FGF12: variants seen among roughly 807,000 people sequenced by gnomAD.
The protein encoded by FGF12 is fibroblast growth factor 12B.
Under a neutral mutation model 23.6 loss-of-function variants are expected in FGF12, and 14 were observed. That is an observed-to-expected ratio of 0.59 (90% CI 0.39 to 0.93). FGF12 has a LOEUF of 0.93. Ranked by LOEUF, FGF12 falls within the 40% of genes least tolerant of loss-of-function variation. FGF12 has a pLI of 0.00. For synonymous variants in FGF12, 62 were observed against 77.3 expected (o/e 0.80, Z 1.04); for missense variants, 175 against 217.8 (o/e 0.80, Z 1.24).
intron 2 of FGF12, among the ~76,000 whole-genome samples, chr3:192,428,361 G>T (rs115630703): frequency 1.3e-5 from 2 of 152,262 alleles, no homozygotes; most frequent in Admixed American, 1.3e-4. Context: ...GGGGGAAACA[G>T]TTCACATGTA....
intron 2 of FGF12, among the ~76,000 whole-genome samples, chr3:192,655,312 C>G (rs896239009): frequency 2.6e-5 from 4 of 152,170 alleles, no homozygotes; most frequent in African/African-American, 9.7e-5. Context: ...TTAAGAGGGA[C>G]TTCAGAGAAG....
At chr3:192,630,660 C>G (rs1715354315) in intron 2 of FGF12, among the ~76,000 whole-genome samples, 1 of 150,662 alleles carries the variant, frequency 6.6e-6, no homozygotes, top group Non-Finnish European at 1.5e-5. Flanking sequence ...TCACCCCATT[C>G]TCCTGCCTCA....
chr3:192,570,186 T>C lies in FGF12; in HGVS notation c.13+156995A>G, dbSNP rs529900096. Among the ~76,000 whole-genome samples the C allele has an allele frequency of 4.3e-4, 65 of 152,260 alleles. 1 individual carries two copies. In the South Asian group the frequency reaches 0.013, roughly 30 times the overall value. ...GCCATATACCAAGACAGGGATGTAA[T>C]ACAAGCATCAGGCTAGCTGTGTTTG... On this transcript the variant is annotated intron_variant, in intron 2 of 5. Coordinates refer to ENST00000445105, the MANE Select transcript of FGF12 (RefSeq NM_004113.6).
chr3:192,702,522 G>A (rs971866163), intron 2 of FGF12, among the ~76,000 whole-genome samples: 2 of 152,230 alleles, frequency 1.3e-5, no homozygotes, highest in Non-Finnish European at 2.9e-5. Context: ...GCCAGGCACA[G>A]TGGATCACGC....
At chr3:192,617,317 G>T (rs1005592630) in intron 2 of FGF12, among the ~76,000 whole-genome samples, 1 of 148,354 alleles carries the variant, frequency 6.7e-6, no homozygotes, top group Non-Finnish European at 1.5e-5. Flanking sequence ...TCCCTCAGAA[G>T]GAAAGTGGGG....
chr3:192,563,938 T>C (rs571483837), intron 2 of FGF12, among the ~76,000 whole-genome samples: 1 of 152,384 alleles, frequency 6.6e-6, no homozygotes, highest in East Asian at 1.9e-4. Flanking sequence ...CTATTATCAA[T>C]GGATGATTAC....
chr3:192,350,640 G>A (rs1198625857), intron 3 of FGF12, among the ~76,000 whole-genome samples: 1 of 152,160 alleles, frequency 6.6e-6, no homozygotes, highest in African/African-American at 2.4e-5. Flanking sequence ...TGGTCCCAAT[G>A]CCTTCAGGCA....
chr3:192,275,590 G>T (rs956803633), intron 4 of FGF12, among the ~76,000 whole-genome samples: 3 of 152,108 alleles, frequency 2.0e-5, no homozygotes, highest in Non-Finnish European at 2.9e-5. Context: ...TGTGAAGGTG[G>T]TGTTTTCTAA....
At chr3:192,381,433 C>T (rs965514552) in intron 2 of FGF12, among the ~76,000 whole-genome samples, 3 of 152,200 alleles carry the variant, frequency 2.0e-5, no homozygotes, top group African/African-American at 4.8e-5. Flanking sequence ...CTTGATACCA[C>T]GCCAAGGAAC....
chr3:192,375,848 T>A (rs4441604), intron 2 of FGF12, among the ~76,000 whole-genome samples: 65,922 of 151,746 alleles, frequency 0.43, 16,849 homozygotes, highest in African/African-American at 0.72. Context: ...TGGAAAAAAA[T>A]TTCATCATCT....
chr3:192,658,146 C>T (rs1163196466), intron 2 of FGF12, among the ~76,000 whole-genome samples: 2 of 152,084 alleles, frequency 1.3e-5, no homozygotes, highest in Non-Finnish European at 2.9e-5. Context: ...CACAGAAAAA[C>T]CATGGTAAAT....
At chr3:192,213,098 G>T (rs564879818) in intron 4 of FGF12, among the ~76,000 whole-genome samples, 4 of 152,328 alleles carry the variant, frequency 2.6e-5, no homozygotes, top group South Asian at 2.1e-4. Context: ...GCACAAGAAG[G>T]TTCCTCACAG....
chr3:192,618,813 A>C (rs1457419574), intron 2 of FGF12, among the ~76,000 whole-genome samples: 1 of 152,010 alleles, frequency 6.6e-6, no homozygotes, highest in Non-Finnish European at 1.5e-5. Context: ...GGGTGAGAAC[A>C]GTTCCAAGAA....
intron 2 of FGF12, among the ~76,000 whole-genome samples, chr3:192,562,012 AAAATAAAAAC>A (rs1456368090): frequency 2.6e-5 from 4 of 152,168 alleles, no homozygotes; most frequent in Non-Finnish European, 5.9e-5. Flanking sequence ...AATGTCTACC[AAAATAAAAAC>A]AAATAAATAC....
chr3:192,213,021 C>T (rs980715273), intron 4 of FGF12, among the ~76,000 whole-genome samples: 4 of 152,182 alleles, frequency 2.6e-5, no homozygotes, highest in Non-Finnish European at 4.4e-5. Context: ...GTCTTTGTCC[C>T]ATGTTCTTCC....
intron 4 of FGF12, among the ~76,000 whole-genome samples, chr3:192,334,075 G>C (rs763675611): frequency 6.6e-6 from 1 of 151,988 alleles, no homozygotes; most frequent in Non-Finnish European, 1.5e-5. Context: ...CCTGTGATAC[G>C]AGTTCAGTTA....
chr3:192,305,675 A>ATATAT (rs1268001855), intron 4 of FGF12, among the ~76,000 whole-genome samples: 36 of 114,638 alleles, frequency 3.1e-4, no homozygotes, highest in African/African-American at 1.1e-3. Flanking sequence ...GGAAAAAAAA[A>ATATAT]AAAAATATAT....
intron 4 of FGF12, among the ~76,000 whole-genome samples, chr3:192,185,526 C>CT (rs373438437): frequency 8.6e-5 from 13 of 150,788 alleles, no homozygotes; most frequent in South Asian, 2.1e-4. Flanking sequence ...TTTACATTTT[C>CT]TTTTTTTTTC....
At chr3:192,150,149 T>A (rs1190783674) in intron 5 of FGF12, among the ~76,000 whole-genome samples, 1 of 64,812 alleles carries the variant, frequency 1.5e-5, no homozygotes, top group Non-Finnish European at 3.2e-5. Flanking sequence ...TTCGCCCACT[T>A]TTTGATGGGG....
Sources: gnomAD v4.1 joint callset for allele counts (sites outside exome capture counted in the v4.1 genomes callset) on GRCh38, gnomAD v4.1.1 for gene constraint, MANE v1.5 for transcripts, NCBI Gene and HGNC (gene_info 2026-07-23, HGNC 2026-07-21) for gene names.